Variants in C2orf15 observed in about 807,000 individuals in gnomAD.
C2orf15 encodes uncharacterized protein C2orf15.
A neutral mutation model predicts 4.4 loss-of-function variants in C2orf15; 3 were observed. That is an observed-to-expected ratio of 0.67 (90% CI 0.31 to 1.74). The LOEUF (loss-of-function observed/expected upper bound fraction) is 1.74, where lower values mean the gene tolerates loss of function less well. Ranked by LOEUF, C2orf15 falls within the 40% of genes most tolerant of loss-of-function variation. C2orf15 has a pLI of 0.09. For missense variants in C2orf15, 90 were observed against 103.3 expected (o/e 0.87, Z 0.56); for synonymous variants, 37 against 36.8 (o/e 1.00, Z -0.02).
At chr2:99,144,328 C>CGGCCTGT in intron 2 of C2orf15, among the ~76,000 whole-genome samples, 1 of 151,812 alleles carries the variant, frequency 6.6e-6, no homozygotes, top group Non-Finnish European at 1.5e-5. Flanking sequence ...GCCTGTGTTC[C>CGGCCTGT]GTTTTTTAAA....
chr2:99,145,875 C>T (rs780312376), intron 2 of C2orf15, among the ~76,000 whole-genome samples: 5 of 152,176 alleles, frequency 3.3e-5, no homozygotes, highest in East Asian at 1.9e-4. Flanking sequence ...TGGTGGCTTA[C>T]GCCAGTAATC....
intron 2 of C2orf15, among the ~76,000 whole-genome samples, chr2:99,145,083 G>A (rs2093618739): frequency 6.6e-6 from 1 of 152,180 alleles, no homozygotes; most frequent in Non-Finnish European, 1.5e-5. Context: ...ATGTCAGGCA[G>A]GTCTACATTC....
chr2:99,146,841 C>G (rs1006272388), intron 2 of C2orf15, among the ~76,000 whole-genome samples: 7 of 152,192 alleles, frequency 4.6e-5, no homozygotes, highest in Non-Finnish European at 1.5e-5. Context: ...GTTGATCAGG[C>G]TGGTCTCGAA....
At chr2:99,149,404 G>A (rs1284267596) in intron 3 of C2orf15, among the ~76,000 whole-genome samples, 1 of 150,674 alleles carries the variant, frequency 6.6e-6, no homozygotes, top group Non-Finnish European at 1.5e-5. Flanking sequence ...CCTCCTTTGG[G>A]AAACTTCCCA....
rs1168182941 is a variant in C2orf15, at chr2:99,142,402, G to C, written c.-169+1G>C. On this transcript the variant is annotated splice_donor_variant, in intron 2 of 3. Transcript: ENST00000650052. LOFTEE classifies it low-confidence loss of function (5UTR_SPLICE). ...GACTAACAATTCCTGTTTTCGCCAG[G>C]TGAGTACTCATTTTTCCCCCCACAA... 6.6e-6 allele frequency: 1 copy of C among 152,148 alleles called. No homozygotes were observed. The highest frequency in any genetic ancestry group is 1.5e-5 in the Non-Finnish European group (1 of 68,026). The allele number at this position is 152,148 out of a possible 1,614,324, so 9.4% of individuals were successfully genotyped here.
chr2:99,147,216 G>C, intron 2 of C2orf15, 186 bp from the exon 3 acceptor site: 1 of 436,016 alleles, frequency 2.3e-6, no homozygotes, highest in Admixed American at 3.8e-5. Flanking sequence ...GCCCAGGCTG[G>C]TCTCAAACTG....
intron 3 of C2orf15, among the ~76,000 whole-genome samples, chr2:99,148,835 TTGGGA>T (rs1329463667): frequency 6.6e-6 from 1 of 151,960 alleles, no homozygotes; most frequent in Non-Finnish European, 1.5e-5. Context: ...GAGTTTCTGT[TTGGGA>T]TGATTAAAAG....
Position 99,150,636 on chromosome 2 carries a change from A to G in C2orf15, c.78A>G (p.Ile26Met), listed in dbSNP as rs2093683860. Residue 26 changes from isoleucine to methionine, a missense_variant, in exon 4 of 4, where the codon ATA (isoleucine) becomes ATG (methionine). Physicochemically the swap from Ile to Met is conservative, Grantham distance 10 (BLOSUM62 1). Coordinates refer to ENST00000650052, the MANE Select transcript of C2orf15 (RefSeq NM_144706.4). ...HMDSKVDDHL[I>M]RGTEKSRLEP... The stretch of plus-strand genomic sequence containing the variant: ...ATTCAAAAGTGGATGATCACTTAAT[A>G]CGAGGGACTGAAAAAAGCAGGTTGG... 1 of 1,614,138 alleles carries G rather than the reference A, an allele frequency of 6.2e-7. No individual in the cohort carries two copies. The highest frequency in any genetic ancestry group is 8.5e-7 in the Non-Finnish European group (1 of 1,180,000).
intron 2 of C2orf15, among the ~76,000 whole-genome samples, chr2:99,144,380 G>A (rs2093610317): frequency 1.3e-5 from 2 of 151,234 alleles, no homozygotes; most frequent in Admixed American, 1.3e-4. Flanking sequence ...AAAGTTCCAG[G>A]CAATGTCCAT....
intron 2 of C2orf15, among the ~76,000 whole-genome samples, chr2:99,143,748 T>A (rs1417469896): frequency 6.6e-6 from 1 of 152,092 alleles, no homozygotes; most frequent in East Asian, 1.9e-4. Context: ...TGGGATTATA[T>A]GCATGAGCCA....
rs75507898 is a variant in C2orf15, at chr2:99,150,464, C to CTT, written c.-76-5_-76-4dup. The CTT allele has an allele frequency of 3.4e-3, 3,727 of 1,107,866 alleles. No homozygotes were observed. Among genetic ancestry groups the CTT allele is most frequent in the South Asian group, 0.01 (610 of 59,598 alleles). 68.6% of individuals were successfully genotyped at this position (1,107,866 alleles called of 1,614,324 possible). A position where few individuals can be genotyped will look rare whatever the true frequency, so the allele number is the denominator to read the frequency against. ...AAATTCCTGCTGCATTCACTTGTTA[C>CTT]TTTTTTTTTTTTTTTCAGTAATCAA... is the stretch of plus-strand genomic sequence containing the variant. On this transcript the variant is annotated intron_variant, in intron 3 of 3. Transcript: ENST00000650052.
intron 2 of C2orf15, among the ~76,000 whole-genome samples, chr2:99,145,349 G>A (rs1276091397): frequency 6.6e-6 from 1 of 152,094 alleles, no homozygotes; most frequent in Non-Finnish European, 1.5e-5. Context: ...CTTGAGGTCA[G>A]GAGTTCAAGA....
chr2:99,147,778 ACTGT>A (rs1432646318), intron 3 of C2orf15, among the ~76,000 whole-genome samples: 3 of 135,898 alleles, frequency 2.2e-5, no homozygotes, highest in African/African-American at 7.5e-5. Context: ...TGCATATTTT[ACTGT>A]CTTTCTGTAT....
chr2:99,146,090 C>T (rs1261340278), intron 2 of C2orf15, among the ~76,000 whole-genome samples: 1 of 152,210 alleles, frequency 6.6e-6, no homozygotes, highest in Non-Finnish European at 1.5e-5. Flanking sequence ...CGAGACCAGC[C>T]TGGCCAACAT....
intron 2 of C2orf15, among the ~76,000 whole-genome samples, chr2:99,143,470 T>C (rs2093599198): frequency 1.3e-5 from 2 of 150,842 alleles, no homozygotes; most frequent in African/African-American, 2.4e-5. Context: ...TTTTTTTTTT[T>C]TCCTTTTTTT....
chr2:99,145,761 T>C (rs1201936525), intron 2 of C2orf15, among the ~76,000 whole-genome samples: 1 of 152,144 alleles, frequency 6.6e-6, no homozygotes, highest in Non-Finnish European at 1.5e-5. Context: ...GGACCAGATA[T>C]GTAGATAATT....
Position 99,151,471 on chromosome 2 carries a change from A to G in C2orf15, c.*637A>G, listed in dbSNP as rs865801267. The G allele has an allele frequency of 2.0e-5, 3 of 151,810 alleles. No individual in the cohort carries two copies. The highest frequency in any genetic ancestry group is 2.4e-5 in the African/African-American group (1 of 41,264). The allele number at this position is 151,810 out of a possible 1,614,324, so 9.4% of individuals were successfully genotyped here. A position where few individuals can be genotyped will look rare whatever the true frequency, so the allele number is the denominator to read the frequency against. The stretch of plus-strand genomic sequence containing the variant: ...AGAGCAAAACTCCGTCTCAAAAAAA[A>G]AAAAAAAAAAAAAAAAGTCCAAGCA... On this transcript the variant is annotated 3_prime_UTR_variant, in exon 4 of 4. Transcript: ENST00000650052.
At position 99,150,543 on chromosome 2, in the gene C2orf15, T is replaced by C. The variant is rs146451233; in HGVS notation, c.-16T>C. On this transcript the variant is annotated 5_prime_UTR_variant, in exon 4 of 4. Transcript: ENST00000650052. Reference sequence around the variant, plus strand: ...AGGTACCTGCAAATTACTTTCACATTTGTTCAGCTATCCTAATGGGATTTT... The same window carrying C: ...AGGTACCTGCAAATTACTTTCACATCTGTTCAGCTATCCTAATGGGATTTT... 6.2e-7 allele frequency: 1 copy of C among 1,608,800 alleles called. No homozygotes were observed. The highest frequency in any genetic ancestry group is 1.7e-5 in the Admixed American group (1 of 58,828).
rs568942895 is a variant in C2orf15 at position 99,146,663 on chromosome 2, C to T, written c.-168-739C>T. On this transcript the variant is annotated intron_variant, in intron 2 of 3. Transcript: ENST00000650052. ...TTTCTTTTTGAGACGGAGTCTTGCT[C>T]TGTCGCCCAGGCTGGAGTGCAATGG... 1.4e-4 allele frequency among the ~76,000 whole-genome samples: 22 copies of T among 152,284 alleles called. No homozygotes were observed. In the East Asian group the frequency reaches 4.2e-3, roughly 29 times the overall value.
Sources: gnomAD v4.1 joint callset for allele counts (sites outside exome capture counted in the v4.1 genomes callset) on GRCh38, gnomAD v4.1.1 for gene constraint, MANE v1.5 for transcripts, NCBI Gene and HGNC (gene_info 2026-07-23, HGNC 2026-07-21) for gene names.